The following KIRREL3 variants were observed in gnomAD, a reference collection of about 807,000 sequenced individuals.
The protein encoded by KIRREL3 is kin of IRRE-like protein 3.
Under a neutral mutation model 89.7 loss-of-function variants are expected in KIRREL3, and 36 were observed. The ratio of observed to expected loss-of-function variants is 0.40; its 90% CI spans 0.31 to 0.53. The LOEUF (loss-of-function observed/expected upper bound fraction) is 0.53. Among genes scored for constraint, KIRREL3 ranks in the 20% least tolerant of loss-of-function variants. The pLI, the probability that KIRREL3 is intolerant of heterozygous loss-of-function variation, is 0.49. For synonymous variants in KIRREL3, 445 were observed against 441.4 expected, an observed-to-expected ratio of 1.01 and a Z score of -0.10; for missense variants, 864 against 1,056.6, an observed-to-expected ratio of 0.82 and a Z score of 2.53.
At position 126,651,994 on chromosome 11, in the gene KIRREL3, G is replaced by C. The variant is rs1944923100; in HGVS notation, c.56-89082C>G. ...AAATGATGGTAGGGTAAGTCATTATGCCAATGGGAGAATGAGGCAAAAAGC... is the reference window on the plus strand; with the variant it reads ...AAATGATGGTAGGGTAAGTCATTATCCCAATGGGAGAATGAGGCAAAAAGC... On this transcript the variant is annotated intron_variant, in intron 1 of 16. Coordinates refer to ENST00000525144, the MANE Select transcript of KIRREL3 (RefSeq NM_032531.4). This position sits in a 1 kb window ranked among gnomAD's most constrained non-coding sequence, Gnocchi z 4.6. 6.6e-6 allele frequency among the ~76,000 whole-genome samples: 1 copy of C among 152,198 alleles called. No homozygotes were observed. Among genetic ancestry groups the C allele is most frequent in the Non-Finnish European group, 1.5e-5 (1 of 68,042 alleles).
intron 1 of KIRREL3, among the ~76,000 whole-genome samples, chr11:126,717,824 T>C (rs1019321214): frequency 6.6e-6 from 1 of 152,246 alleles, no homozygotes; most frequent in Non-Finnish European, 1.5e-5. Flanking sequence ...ATGTGTGGCA[T>C]ATCTAATATC....
In KIRREL3 at chr11:126,696,240, G is replaced by A. The variant is rs1947089712; in HGVS notation, c.56-133328C>T. Among the ~76,000 whole-genome samples the A allele has an allele frequency of 6.6e-6, 1 of 150,506 alleles. No individual in the cohort carries two copies. Among genetic ancestry groups the A allele is most frequent in the South Asian group, 2.1e-4 (1 of 4,726 alleles). On this transcript the variant is annotated intron_variant, in intron 1 of 16. Transcript: ENST00000525144. This position sits in a 1 kb window ranked among gnomAD's most constrained non-coding sequence, Gnocchi z 4.4. ...CCACTCCACTCCAGCCTGGGCCACT[G>A]AGCGAGACTCTATCTCAATTAAAAA...
rs143006708 is a variant in KIRREL3, at chr11:126,782,217, C to A, written c.55+218238G>T. 6.6e-6 allele frequency among the ~76,000 whole-genome samples: 1 copy of A among 152,114 alleles called. No individual in the cohort carries two copies. Among genetic ancestry groups the A allele is most frequent in the African/African-American group, 2.4e-5 (1 of 41,400 alleles). ...CCTCCCGTCCCTACTCTAGAGGCCA[C>A]GAGTTCAAAATGATAAAGCTAAAAG... On this transcript the variant is annotated intron_variant, in intron 1 of 16. Transcript: ENST00000525144. The surrounding 1 kb of genome is among the most constrained non-coding windows in gnomAD (Gnocchi z 4.1).
chr11:126,627,033 C>A lies in KIRREL3; in HGVS notation c.56-64121G>T, dbSNP rs1943820845. Among the ~76,000 whole-genome samples, 1 of 150,464 alleles carries A rather than the reference C, an allele frequency of 6.6e-6. No individual in the cohort carries two copies. Among genetic ancestry groups the A allele is most frequent in the Admixed American group, 6.6e-5 (1 of 15,124 alleles). On this transcript the variant is annotated intron_variant, in intron 1 of 16. Coordinates refer to ENST00000525144, the MANE Select transcript of KIRREL3 (RefSeq NM_032531.4). This position sits in a 1 kb window ranked among gnomAD's most constrained non-coding sequence, Gnocchi z 5.0. ...AAAAAAAACAAAAAAAAAAGAATAA[C>A]CACAGTTTTGAAGCCTCAAAGGAAG...
chr11:126,470,334 A>G (rs1163417818), intron 5 of KIRREL3, among the ~76,000 whole-genome samples: 1 of 152,220 alleles, frequency 6.6e-6, no homozygotes, highest in African/African-American at 2.4e-5. Context: ...CTTGTATTAC[A>G]TAACAGGACA....
chr11:126,950,825 T>A (rs1389475255), intron 1 of KIRREL3, among the ~76,000 whole-genome samples: 1 of 152,180 alleles, frequency 6.6e-6, no homozygotes, highest in Admixed American at 6.5e-5. Flanking sequence ...ATTAGAAAAC[T>A]GATGAAGAAG....
chr11:126,879,496 C>T lies in KIRREL3; in HGVS notation c.55+120959G>A, dbSNP rs1211731058. Among the ~76,000 whole-genome samples the T allele has an allele frequency of 1.3e-5, 2 of 152,162 alleles. No homozygotes were observed. On this transcript the variant is annotated intron_variant, in intron 1 of 16. Coordinates refer to ENST00000525144, the MANE Select transcript of KIRREL3 (RefSeq NM_032531.4). The surrounding 1 kb of genome is among the most constrained non-coding windows in gnomAD (Gnocchi z 5.4). The stretch of plus-strand genomic sequence containing the variant: ...TAAGATAACTATAGGTCCTTCTGAT[C>T]AACACCATGGTCCTTTCTCCCCTCT...
At chr11:126,834,605 G>A (rs777105986) in intron 1 of KIRREL3, among the ~76,000 whole-genome samples, 10 of 152,210 alleles carry the variant, frequency 6.6e-5, no homozygotes, top group African/African-American at 1.2e-4. Context: ...TTTGAGATGC[G>A]ATTGGTTTGA....
chr11:126,596,497 G>A (rs982272374), intron 1 of KIRREL3, among the ~76,000 whole-genome samples: 5 of 152,244 alleles, frequency 3.3e-5, no homozygotes, highest in Non-Finnish European at 7.3e-5. Flanking sequence ...CTGAAGGGGG[G>A]AAGGTAGGAA....
intron 9 of KIRREL3, among the ~76,000 whole-genome samples, chr11:126,446,480 T>C (rs1955819344): frequency 6.6e-6 from 1 of 152,126 alleles, no homozygotes; most frequent in African/African-American, 2.4e-5. Context: ...TGAAAAGCCT[T>C]TCTAGTGCCT....
In KIRREL3 at chr11:126,639,402, CA is replaced by C; in HGVS notation, c.56-76491del. ...AACGTTCCTTTGCTTTACCAAACCTCATTTAAAAGTTGTTTGTATATATTTT... is the reference window on the plus strand; with the variant it reads ...AACGTTCCTTTGCTTTACCAAACCTCTTTAAAAGTTGTTTGTATATATTTT... On this transcript the variant is annotated intron_variant, in intron 1 of 16. Transcript: ENST00000525144. The surrounding 1 kb of genome is among the most constrained non-coding windows in gnomAD (Gnocchi z 4.3). Among the ~76,000 whole-genome samples, 1 of 152,322 alleles carries C rather than the reference CA, an allele frequency of 6.6e-6. No individual in the cohort carries two copies. The highest frequency in any genetic ancestry group is 2.4e-5 in the African/African-American group (1 of 41,580).
At chr11:126,929,961 C>G (rs560763563) in intron 1 of KIRREL3, among the ~76,000 whole-genome samples, 2 of 147,774 alleles carry the variant, frequency 1.4e-5, no homozygotes, top group Admixed American at 6.7e-5. Context: ...CCCCCCCCCC[C>G]ACCTCACCGA....
At chr11:126,869,154 C>CTT (rs36033176) in intron 1 of KIRREL3, among the ~76,000 whole-genome samples, 7 of 121,264 alleles carry the variant, frequency 5.8e-5, no homozygotes, top group African/African-American at 1.2e-4. Context: ...TGCCTGAGGG[C>CTT]TTTTTTTTTT....
Position 126,755,365 on chromosome 11 carries a change from G to A in KIRREL3, c.56-192453C>T, listed in dbSNP as rs1326816811. On this transcript the variant is annotated intron_variant, in intron 1 of 16. Transcript: ENST00000525144. The surrounding 1 kb of genome is among the most constrained non-coding windows in gnomAD (Gnocchi z 4.3). ...GAAGTCCTGAAGTGCAGGTAATCGT[G>A]TTTAAAAAGATAGGGAACATGACAG... Among the ~76,000 whole-genome samples, 1 of 152,096 alleles carries A rather than the reference G, an allele frequency of 6.6e-6. No homozygotes were observed. The highest frequency in any genetic ancestry group is 2.4e-5 in the African/African-American group (1 of 41,414).
intron 1 of KIRREL3, among the ~76,000 whole-genome samples, chr11:126,582,624 G>A (rs567564947): frequency 6.6e-6 from 1 of 152,310 alleles, no homozygotes; most frequent in African/African-American, 2.4e-5. Flanking sequence ...GGGAAGGGGT[G>A]AGAACTGAGT....
Position 126,431,269 on chromosome 11 carries a change from G to C in KIRREL3, c.1696+150C>G. ...CATGTTGCCCAGGCTCACATACACC[G>C]ATGCATCAGACCCACTCCCTGCCCC... On this transcript the variant is annotated intron_variant, in intron 14 of 16. Transcript: ENST00000525144. The surrounding 1 kb of genome is among the most constrained non-coding windows in gnomAD (Gnocchi z 7.1). The C allele has an allele frequency of 6.5e-7, 1 of 1,545,294 alleles. No individual in the cohort carries two copies. The highest frequency in any genetic ancestry group is 1.2e-5 in the South Asian group (1 of 83,796).
In KIRREL3 at chr11:126,981,890, T is replaced by C. The variant is rs1430517506; in HGVS notation, c.55+18565A>G. On this transcript the variant is annotated intron_variant, in intron 1 of 16. Transcript: ENST00000525144. This position sits in a 1 kb window ranked among gnomAD's most constrained non-coding sequence, Gnocchi z 4.2. Reference sequence around the variant, plus strand: ...GGGGGCTCTGCTGGGATGACAGCCTTTAAACACCTCATTAATATTCAAATC... The same window carrying C: ...GGGGGCTCTGCTGGGATGACAGCCTCTAAACACCTCATTAATATTCAAATC... 6.6e-6 allele frequency among the ~76,000 whole-genome samples: 1 copy of C among 152,212 alleles called. No individual in the cohort carries two copies. The highest frequency in any genetic ancestry group is 1.5e-5 in the Non-Finnish European group (1 of 68,026).
chr11:126,431,068 T>C lies in KIRREL3; in HGVS notation c.1696+351A>G, dbSNP rs995763185. 17 of 1,356,586 alleles carry C rather than the reference T, an allele frequency of 1.3e-5. No individual in the cohort carries two copies. Among genetic ancestry groups the C allele is most frequent in the Non-Finnish European group, 1.5e-5 (16 of 1,056,292 alleles). The allele number at this position is 1,356,586 out of a possible 1,614,324, so 84.0% of individuals were successfully genotyped here. On this transcript the variant is annotated intron_variant, in intron 14 of 16. Coordinates refer to ENST00000525144, the MANE Select transcript of KIRREL3 (RefSeq NM_032531.4). This position sits in a 1 kb window ranked among gnomAD's most constrained non-coding sequence, Gnocchi z 7.1. ...TTTTGTTGTAGAGATGGGGTCTCTC[T>C]AGACTAACAGCTCTTGTAGAGCAAG... is the stretch of plus-strand genomic sequence containing the variant.
rs866726864 is a variant in KIRREL3, at chr11:126,454,699, C to T, written c.848+1650G>A. Among the ~76,000 whole-genome samples the T allele has an allele frequency of 1.3e-5, 2 of 152,200 alleles. No individual in the cohort carries two copies. The highest frequency in any genetic ancestry group is 4.2e-4 in the South Asian group (2 of 4,808). Reference sequence around the variant, plus strand: ...GGCGCCTCTCTTGTATCTTCAGTGGCTTCTGAATAGATGCCAGACCACAGC... The same window carrying T: ...GGCGCCTCTCTTGTATCTTCAGTGGTTTCTGAATAGATGCCAGACCACAGC... On this transcript the variant is annotated intron_variant, in intron 7 of 16. Coordinates refer to ENST00000525144, the MANE Select transcript of KIRREL3 (RefSeq NM_032531.4). The surrounding 1 kb of genome is among the most constrained non-coding windows in gnomAD (Gnocchi z 5.8).
Sources: allele counts gnomAD v4.1 joint callset (sites outside exome capture counted in the v4.1 genomes callset), GRCh38; gene constraint gnomAD v4.1.1; non-coding constraint Gnocchi (gnomAD v3.1); transcripts MANE v1.5; gene names NCBI Gene and HGNC (gene_info 2026-07-23, HGNC 2026-07-21).